Variants in STAT1 observed in about 807,000 individuals in gnomAD.
STAT1 encodes the protein signal transducer and activator of transcription 1-alpha/beta.
Under a neutral mutation model 111.7 loss-of-function variants are expected in STAT1, and 24 were observed. The ratio of observed to expected loss-of-function variants is 0.21; its 90% CI spans 0.16 to 0.30. STAT1 has a LOEUF of 0.30. Ranked by LOEUF, STAT1 falls within the 10% of genes least tolerant of loss-of-function variation. The pLI is 1.00. For missense variants in STAT1, 351 were observed against 911.9 expected, an observed-to-expected ratio of 0.38 and a Z score of 7.92; for synonymous variants, 332 against 326.5, an observed-to-expected ratio of 1.02 and a Z score of -0.18.
Position 190,993,413 on chromosome 2 carries a change from GTTC to G in STAT1, c.944+1645_944+1647del. On this transcript the variant is annotated intron_variant, in intron 10 of 24. Coordinates refer to ENST00000361099, the MANE Select transcript of STAT1 (RefSeq NM_007315.4). This position sits in a 1 kb window ranked among gnomAD's most constrained non-coding sequence, Gnocchi z 4.1. ...GATTGTTTTCCCGTCTAACTCTATA[GTTC>G]TTATTTTGAAATCCATACCAATTGT... 1 of 1,395,066 alleles carries G rather than the reference GTTC, an allele frequency of 7.2e-7. No homozygotes were observed. Among genetic ancestry groups the G allele is most frequent in the Non-Finnish European group, 1.0e-6 (1 of 1,000,552 alleles). 86.4% of individuals were successfully genotyped at this position (1,395,066 alleles called of 1,614,324 possible). A position where few individuals can be genotyped will look rare whatever the true frequency, so the allele number is the denominator to read the frequency against.
chr2:191,001,045 A>T, intron 6 of STAT1, 29 bp downstream of exon 6: 2 of 1,549,844 alleles, frequency 1.3e-6, no homozygotes, highest in Non-Finnish European at 1.8e-6. Flanking sequence ...AAGTTTCAGA[A>T]TAAATGCATG....
At chr2:191,011,032 T>A (rs1695075371) in intron 2 of STAT1, among the ~76,000 whole-genome samples, 1 of 151,634 alleles carries the variant, frequency 6.6e-6, no homozygotes, top group Non-Finnish European at 1.5e-5. Context: ...GGGGAAGGAG[T>A]CTGGATTTTC....
At chr2:191,002,718 T>C (rs373922497) in intron 5 of STAT1, among the ~76,000 whole-genome samples, 14 of 152,296 alleles carry the variant, frequency 9.2e-5, no homozygotes, top group African/African-American at 2.9e-4. Flanking sequence ...CACAGCATCC[T>C]TGCTGTGTTT....
chr2:191,010,266 C>T (rs1695021437), intron 2 of STAT1: 1 of 500,220 alleles, frequency 2.0e-6, no homozygotes, highest in African/African-American at 2.0e-5. Flanking sequence ...CTTCTCTGGC[C>T]TCTTTTATTT....
At position 190,977,443 on chromosome 2, in the gene STAT1, A is replaced by G. The variant is rs1691991487; in HGVS notation, c.1874-418T>C. On this transcript the variant is annotated intron_variant, in intron 21 of 24. Transcript: ENST00000361099. The surrounding 1 kb of genome is among the most constrained non-coding windows in gnomAD (Gnocchi z 4.7). ...TTTTTCTTTTCATATTGAAAAATCT[A>G]ATTTTTTATTAAAATAAATTATGAT... is the stretch of plus-strand genomic sequence containing the variant. Among the ~76,000 whole-genome samples the G allele has an allele frequency of 6.6e-6, 1 of 152,212 alleles. No homozygotes were observed. Among genetic ancestry groups the G allele is most frequent in the Non-Finnish European group, 1.5e-5 (1 of 68,042 alleles).
rs1332342391 is a variant in STAT1 at position 190,997,143 on chromosome 2, C to G, written c.785+713G>C. On this transcript the variant is annotated intron_variant, in intron 9 of 24. Transcript: ENST00000361099. The surrounding 1 kb of genome is among the most constrained non-coding windows in gnomAD (Gnocchi z 7.3). ...CACCCAATACAGCCCCTGCAGTCTC[C>G]CACATGTGTGCCTTTGCACACGCTG... 6.6e-6 allele frequency among the ~76,000 whole-genome samples: 1 copy of G among 152,224 alleles called. No homozygotes were observed. The highest frequency in any genetic ancestry group is 1.5e-5 in the Non-Finnish European group (1 of 68,042).
Position 190,980,498 on chromosome 2 carries a change from T to C in STAT1, c.1632+122A>G. ...GTAAACAACTTGCCCGAGGGGCTCC[T>C]TGGCCAGAGAAGAACACGCCAAAAT... On this transcript the variant is annotated intron_variant, in intron 19 of 24. Coordinates refer to ENST00000361099, the MANE Select transcript of STAT1 (RefSeq NM_007315.4). This position sits in a 1 kb window ranked among gnomAD's most constrained non-coding sequence, Gnocchi z 6.1. The C allele has an allele frequency of 1.7e-6, 2 of 1,196,776 alleles. No homozygotes were observed. The highest frequency in any genetic ancestry group is 1.2e-5 in the South Asian group (1 of 81,438). The allele number at this position is 1,196,776 out of a possible 1,614,324, so 74.1% of individuals were successfully genotyped here. A position where few individuals can be genotyped will look rare whatever the true frequency, so the allele number is the denominator to read the frequency against.
rs1403480416 is a variant in STAT1, at chr2:190,977,902, CA to C, written c.1874-878del. Among the ~76,000 whole-genome samples the C allele has an allele frequency of 6.6e-6, 1 of 151,270 alleles. No homozygotes were observed. On this transcript the variant is annotated intron_variant, in intron 21 of 24. Transcript: ENST00000361099. The surrounding 1 kb of genome is among the most constrained non-coding windows in gnomAD (Gnocchi z 4.7). ...CTTTTTCCTCAGAAGAAAAATAGAA[CA>C]AGAAAAGTATTCCAGAAAAACAAAT...
Position 190,996,635 on chromosome 2 carries a change from G to A in STAT1, c.785+1221C>T, listed in dbSNP as rs902078693. 2.6e-5 allele frequency among the ~76,000 whole-genome samples: 4 copies of A among 152,220 alleles called. No homozygotes were observed. Among genetic ancestry groups the A allele is most frequent in the Non-Finnish European group, 4.4e-5 (3 of 68,016 alleles). On this transcript the variant is annotated intron_variant, in intron 9 of 24. Coordinates refer to ENST00000361099, the MANE Select transcript of STAT1 (RefSeq NM_007315.4). This position sits in a 1 kb window ranked among gnomAD's most constrained non-coding sequence, Gnocchi z 4.5. ...AGGCACATGGGGTGCACTGGGCTCA[G>A]AAGCTCTGCTCTAACCCACAAGAAA...
Position 191,004,729 on chromosome 2 carries a change from A to G in STAT1, c.372+2834T>C, listed in dbSNP as rs1446628827. Among the ~76,000 whole-genome samples the G allele has an allele frequency of 1.3e-5, 2 of 152,220 alleles. No individual in the cohort carries two copies. Among genetic ancestry groups the G allele is most frequent in the Non-Finnish European group, 2.9e-5 (2 of 68,036 alleles). On this transcript the variant is annotated intron_variant, in intron 5 of 24. Coordinates refer to ENST00000361099, the MANE Select transcript of STAT1 (RefSeq NM_007315.4). This position sits in a 1 kb window ranked among gnomAD's most constrained non-coding sequence, Gnocchi z 5.0. ...CGAAAGTATTTACTCAAATGAAATA[A>G]TGTTTATAAAGTGCTTAGCACAGGG...
rs185993652 is a variant in STAT1, at chr2:191,005,962, G to A, written c.372+1601C>T. ...AGATTACCTACATTTTTAATGGGGA[G>A]GGAGCTCAAAAGCTGGTAAACCTTC... On this transcript the variant is annotated intron_variant, in intron 5 of 24. Coordinates refer to ENST00000361099, the MANE Select transcript of STAT1 (RefSeq NM_007315.4). Among the ~76,000 whole-genome samples the A allele has an allele frequency of 1.6e-4, 25 of 152,324 alleles. No homozygotes were observed. The East Asian group carries it at 4.6e-3, about 28-fold the overall frequency.
Position 190,989,778 on chromosome 2 carries a change from G to T in STAT1, c.1038-104C>A. On this transcript the variant is annotated intron_variant, in intron 11 of 24. Transcript: ENST00000361099. The surrounding 1 kb of genome is among the most constrained non-coding windows in gnomAD (Gnocchi z 5.0). ...GTTTAGATAAACTACTCCCCCTCCA[G>T]TTTTAGGGTATTACCAACAAAAAAA... 1 of 783,354 alleles carries T rather than the reference G, an allele frequency of 1.3e-6. No homozygotes were observed. Among genetic ancestry groups the T allele is most frequent in the Non-Finnish European group, 2.1e-6 (1 of 474,222 alleles). The allele number at this position is 783,354 out of a possible 1,614,324, so 48.5% of individuals were successfully genotyped here.
At position 190,973,800 on chromosome 2, in the gene STAT1, C is replaced by T. The variant is rs1451052144; in HGVS notation, c.2238+1030G>A. ...TCAGGAAAGTGTAGGAAGGTACAAT[C>T]TCTAATGATTGTAGCCCGTGCTTAA... is the stretch of plus-strand genomic sequence containing the variant. On this transcript the variant is annotated intron_variant, in intron 24 of 24. Transcript: ENST00000361099. This position sits in a 1 kb window ranked among gnomAD's most constrained non-coding sequence, Gnocchi z 4.4. Among the ~76,000 whole-genome samples the T allele has an allele frequency of 6.6e-6, 1 of 152,162 alleles. No homozygotes were observed. Among genetic ancestry groups the T allele is most frequent in the South Asian group, 2.1e-4 (1 of 4,824 alleles).
chr2:191,001,016 A>T lies in STAT1; in HGVS notation c.462+58T>A, dbSNP rs1213135049. 5.0e-6 allele frequency: 7 copies of T among 1,404,262 alleles called. No homozygotes were observed. The East Asian group carries it at 1.4e-4, about 27-fold the overall frequency. 87.0% of individuals were successfully genotyped at this position (1,404,262 alleles called of 1,614,324 possible). A position where few individuals can be genotyped will look rare whatever the true frequency, so the allele number is the denominator to read the frequency against. On this transcript the variant is annotated intron_variant, in intron 6 of 24. Coordinates refer to ENST00000361099, the MANE Select transcript of STAT1 (RefSeq NM_007315.4). The stretch of plus-strand genomic sequence containing the variant: ...GAGGTTTACACCCCAAGCAATTGAA[A>T]CCTTTTTTCCCCTACAGAAAGTTTC...
At position 190,971,543 on chromosome 2, in the gene STAT1, A is replaced by G. The variant is rs1188133334; in HGVS notation, c.2239-826T>C. Among the ~76,000 whole-genome samples, 1 of 152,190 alleles carries G rather than the reference A, an allele frequency of 6.6e-6. No homozygotes were observed. Among genetic ancestry groups the G allele is most frequent in the Non-Finnish European group, 1.5e-5 (1 of 68,022 alleles). On this transcript the variant is annotated intron_variant, in intron 24 of 24. Transcript: ENST00000361099. This position sits in a 1 kb window ranked among gnomAD's most constrained non-coding sequence, Gnocchi z 4.1. ...ATACCAGTAGCACCAAGACTGAGACACATGGCACTAGACTGGAAAGCCTCT... is the reference window on the plus strand; with the variant it reads ...ATACCAGTAGCACCAAGACTGAGACGCATGGCACTAGACTGGAAAGCCTCT...
At position 190,993,278 on chromosome 2, in the gene STAT1, TC is replaced by T; in HGVS notation, c.944+1782del. On this transcript the variant is annotated intron_variant, in intron 10 of 24. Coordinates refer to ENST00000361099, the MANE Select transcript of STAT1 (RefSeq NM_007315.4). The surrounding 1 kb of genome is among the most constrained non-coding windows in gnomAD (Gnocchi z 4.1). ...TCACTGTTTAATATTATTGAAGGACTCCTGATCTGTCACATCATACACCACT... is the reference window on the plus strand; with the variant it reads ...TCACTGTTTAATATTATTGAAGGACTCTGATCTGTCACATCATACACCACT... The T allele has an allele frequency of 3.2e-6, 2 of 633,896 alleles. No homozygotes were observed. The highest frequency in any genetic ancestry group is 1.6e-5 in the South Asian group (1 of 62,756). The allele number at this position is 633,896 out of a possible 1,614,324, so 39.3% of individuals were successfully genotyped here.
rs1391837647 is a variant in STAT1, at chr2:190,970,791, C to A, written c.2239-74G>T. 2 of 1,393,664 alleles carry A rather than the reference C, an allele frequency of 1.4e-6. No homozygotes were observed. The highest frequency in any genetic ancestry group is 2.0e-6 in the Non-Finnish European group (2 of 982,662). 86.3% of individuals were successfully genotyped at this position (1,393,664 alleles called of 1,614,324 possible). ...ATGCAGACTCATACATTAAACATTG[C>A]TTGTCTATTCTAGAATGAAGTAGTA... On this transcript the variant is annotated intron_variant, in intron 24 of 24. Coordinates refer to ENST00000361099, the MANE Select transcript of STAT1 (RefSeq NM_007315.4). The surrounding 1 kb of genome is among the most constrained non-coding windows in gnomAD (Gnocchi z 5.4).
Position 191,007,593 on chromosome 2 carries a change from T to C in STAT1, c.342A>G (p.Lys114=). ...TAAATCTCTGGGCGTTTTCCAGAAT[T>C]TTCCTTTCTTCCTTCAGACAGCTGT... ...IIYSCLKEER[K]ILENAQRFNQ... is the part of the protein sequence containing the mutation. Residue 114 remains lysine (K), a synonymous_variant, in exon 5 of 25, where the codon AAA becomes AAG. Transcript: ENST00000361099. This position sits in a 1 kb window ranked among gnomAD's most constrained non-coding sequence, Gnocchi z 4.2. 21 of 1,613,778 alleles carry C rather than the reference T, an allele frequency of 1.3e-5. No homozygotes were observed. Among genetic ancestry groups the C allele is most frequent in the Non-Finnish European group, 1.7e-5 (20 of 1,179,868 alleles).
rs1228457264 is a variant in STAT1 at position 190,980,612 on chromosome 2, G to A, written c.1632+8C>T. 5.0e-6 allele frequency: 8 copies of A among 1,614,200 alleles called. No homozygotes were observed. Among genetic ancestry groups the A allele is most frequent in the Non-Finnish European group, 6.8e-6 (8 of 1,180,018 alleles). On this transcript the variant is annotated splice_region_variant and intron_variant, in intron 19 of 24. Coordinates refer to ENST00000361099, the MANE Select transcript of STAT1 (RefSeq NM_007315.4). The surrounding 1 kb of genome is among the most constrained non-coding windows in gnomAD (Gnocchi z 6.1). ...ACTTAGAGAGCATAAAACCCAGACA[G>A]TCCTCACCTTACAAAACCTCGTCCA... is the stretch of plus-strand genomic sequence containing the variant.
Sources: allele counts gnomAD v4.1 joint callset (sites outside exome capture counted in the v4.1 genomes callset), GRCh38; gene constraint gnomAD v4.1.1; non-coding constraint Gnocchi (gnomAD v3.1); transcripts MANE v1.5; gene names NCBI Gene and HGNC (gene_info 2026-07-23, HGNC 2026-07-21).